The following ADORA2B variants were observed in gnomAD, a reference collection of about 807,000 sequenced individuals.
ADORA2B encodes the protein adenosine receptor A2b.
A neutral mutation model predicts 20.8 loss-of-function variants in ADORA2B; 18 were observed. That is an observed-to-expected ratio of 0.87 (90% CI 0.60 to 1.29). The LOEUF (loss-of-function observed/expected upper bound fraction) is 1.29. Ranked by LOEUF, ADORA2B falls within the 50% of genes most tolerant of loss-of-function variation. The probability of loss-of-function intolerance (pLI) is 0.00; values close to 1 mark genes in which losing one functional copy is unlikely to be tolerated. For synonymous variants in ADORA2B, 179 were observed against 178.3 expected (o/e 1.00, Z -0.03); for missense variants, 441 against 422.7 (o/e 1.04, Z -0.38).
the ADORA2B span, among the ~76,000 whole-genome samples, chr17:15,876,449 CTT>C: frequency 0.13 from 15,906 of 119,248 alleles, 651 homozygotes; most frequent in African/African-American, 0.24. Context: ...TTTCTTTTTT[CTT>C]TTTTTTTTTT....
chr17:15,917,563 G>A, the ADORA2B span, among the ~76,000 whole-genome samples: 7 of 152,154 alleles, frequency 4.6e-5, no homozygotes, highest in African/African-American at 1.2e-4. Flanking sequence ...CCCTGCCCCC[G>A]CAGGCACTGG....
the ADORA2B span, among the ~76,000 whole-genome samples, chr17:15,856,309 C>T: frequency 2.0e-5 from 3 of 151,954 alleles, no homozygotes; most frequent in South Asian, 6.2e-4. Flanking sequence ...GTGCCTATTT[C>T]CCTTTCTACC....
At chr17:15,942,299 T>C (rs954023229), upstream of ADORA2B, among the ~76,000 whole-genome samples, 1 of 151,966 alleles carries the variant, frequency 6.6e-6, no homozygotes, top group African/African-American at 2.4e-5. Context: ...TTAAAAAAGG[T>C]GTGGCACCTC....
the ADORA2B span, among the ~76,000 whole-genome samples, chr17:15,892,625 G>A: frequency 1.3e-5 from 2 of 151,502 alleles, no homozygotes; most frequent in African/African-American, 2.4e-5. Flanking sequence ...TTCCCAAGAA[G>A]CTTTGCTTTT....
the ADORA2B span, among the ~76,000 whole-genome samples, chr17:15,931,165 AAGGAGCCACACAGAT>A: frequency 1.3e-5 from 2 of 152,194 alleles, no homozygotes; most frequent in African/African-American, 4.8e-5. Flanking sequence ...AAAAATTTAA[AAGGAGCCACACAGAT>A]AGGAAAGAAA....
the ADORA2B span, among the ~76,000 whole-genome samples, chr17:15,938,734 G>A: frequency 6.6e-6 from 1 of 152,324 alleles, no homozygotes; most frequent in Non-Finnish European, 1.5e-5. Context: ...TTATATAACA[G>A]TGGGAACCAA....
At chr17:15,923,894 G>A in the ADORA2B span, among the ~76,000 whole-genome samples, 1 of 151,668 alleles carries the variant, frequency 6.6e-6, no homozygotes, top group Admixed American at 6.6e-5. Flanking sequence ...TTGCAGCTTT[G>A]TTTTTTTTGT....
chr17:15,893,092 C>G, the ADORA2B span, among the ~76,000 whole-genome samples: 1 of 152,194 alleles, frequency 6.6e-6, no homozygotes, highest in Non-Finnish European at 1.5e-5. Context: ...TTCCCATGTG[C>G]AATTCAATAT....
the ADORA2B span, among the ~76,000 whole-genome samples, chr17:15,913,699 T>C: frequency 6.6e-6 from 1 of 152,202 alleles, no homozygotes; most frequent in Admixed American, 6.5e-5. Flanking sequence ...TTCTAGATTA[T>C]GAAAAATATG....
chr17:15,965,682 G>C (rs901875051), intron 1 of ADORA2B, among the ~76,000 whole-genome samples: 4 of 152,258 alleles, frequency 2.6e-5, no homozygotes, highest in Admixed American at 6.5e-5. Flanking sequence ...CCCTCTGACT[G>C]CTCTGCCGCA....
Position 15,975,138 on chromosome 17 carries a change from A to AAAT in ADORA2B, c.798_800dup (p.Asn266dup). 6.2e-7 allele frequency: 1 copy of AAAT among 1,614,200 alleles called. No individual in the cohort carries two copies. On this transcript the variant is annotated inframe_insertion, in exon 2 of 2. Coordinates refer to ENST00000304222, the MANE Select transcript of ADORA2B (RefSeq NM_000676.4). ...CTCTTTTCCAGCCAGCTCAGGGTAAAAATAAGCCCAAGTGGGCAATGAATA... is the reference window on the plus strand; with the variant it reads ...CTCTTTTCCAGCCAGCTCAGGGTAAAAATAATAAGCCCAAGTGGGCAATGAATA...
the ADORA2B span, among the ~76,000 whole-genome samples, chr17:15,873,785 A>G: frequency 6.6e-6 from 1 of 152,170 alleles, no homozygotes; most frequent in African/African-American, 2.4e-5. Flanking sequence ...ACGCTTATAC[A>G]CTACTGGTGG....
the ADORA2B span, among the ~76,000 whole-genome samples, chr17:15,888,465 G>A: frequency 4.4e-4 from 56 of 127,718 alleles, 16 homozygotes; most frequent in Middle Eastern, 3.7e-3. Flanking sequence ...TTAGGAACTG[G>A]CCTTCTGAGT....
rs1281767971 is a variant in ADORA2B at position 15,974,696 on chromosome 17, C to T, written c.353C>T (p.Thr118Met). ...TTAAACAGGTATAAAAGTTTGGTCA[C>T]GGGGACCCGAGCAAGAGGGGTCATT... Reference protein sequence around the residue: ...CVPLRYKSLVTGTRARGVIAV... With the variant: ...CVPLRYKSLVMGTRARGVIAV... Residue 118 changes from threonine (T) to methionine (M), a missense_variant, in exon 2 of 2, where the codon ACG becomes ATG. Thr to Met is a moderately conservative substitution (Grantham distance 81, BLOSUM62 -1). Transcript: ENST00000304222. The T allele has an allele frequency of 6.2e-6, 10 of 1,613,184 alleles. No individual in the cohort carries two copies. The highest frequency in any genetic ancestry group is 2.2e-5 in the East Asian group (1 of 44,858).
chr17:15,861,835 C>T, the ADORA2B span, among the ~76,000 whole-genome samples: 1 of 152,202 alleles, frequency 6.6e-6, no homozygotes, highest in African/African-American at 2.4e-5. Context: ...GTTGGTTAAT[C>T]TTCTGAAGCA....
chr17:15,890,192 T>A, the ADORA2B span, among the ~76,000 whole-genome samples: 1 of 129,976 alleles, frequency 7.7e-6, no homozygotes, highest in Non-Finnish European at 1.6e-5. Flanking sequence ...AGAGTCTTTT[T>A]AATTTTTGCC....
chr17:15,965,025 G>A lies in ADORA2B; in HGVS notation c.336-9654G>A, dbSNP rs144895984. ...CAGTGAGCCGAGATCGTGCCACTGC[G>A]CTCCAGCCTGGGCGACGGAGCTAGA... On this transcript the variant is annotated intron_variant, in intron 1 of 1. Coordinates refer to ENST00000304222, the MANE Select transcript of ADORA2B (RefSeq NM_000676.4). Among the ~76,000 whole-genome samples the A allele has an allele frequency of 3.6e-3, 553 of 151,972 alleles. 18 individuals are homozygous for A. The South Asian group carries it at 0.064, about 18-fold the overall frequency.
At chr17:15,964,897 TA>T (rs1180513573) in intron 1 of ADORA2B, among the ~76,000 whole-genome samples, 1 of 151,718 alleles carries the variant, frequency 6.6e-6, no homozygotes, top group Non-Finnish European at 1.5e-5. Context: ...CCGTCTCTAC[TA>T]AAAATACAAA....
chr17:15,928,449 GGAGCAGGGAGGCT>G, the ADORA2B span, among the ~76,000 whole-genome samples: 4 of 152,066 alleles, frequency 2.6e-5, no homozygotes, highest in Non-Finnish European at 5.9e-5. Flanking sequence ...AGGCACACAT[GGAGCAGGGAGGCT>G]GAGCATGGGG....
Sources: allele counts gnomAD v4.1 joint callset (sites outside exome capture counted in the v4.1 genomes callset), GRCh38; gene constraint gnomAD v4.1.1; transcripts MANE v1.5; gene names NCBI Gene and HGNC (gene_info 2026-07-23, HGNC 2026-07-21).